FAM78B: variants seen among roughly 807,000 people sequenced by gnomAD.
FAM78B encodes the protein protein FAM78B.
In FAM78B, 10 loss-of-function variants were observed where a neutral mutation model predicts 20.0. The observed-to-expected ratio is 0.50, with a 90% CI of 0.31 to 0.85. FAM78B has a LOEUF of 0.85. FAM78B is among the 40% of genes least tolerant of loss of function. The pLI, the probability that FAM78B is intolerant of heterozygous loss-of-function variation, is 0.05. For missense variants in FAM78B, 283 were observed against 345.0 expected, an observed-to-expected ratio of 0.82 and a Z score of 1.42; for synonymous variants, 135 against 132.8, an observed-to-expected ratio of 1.02 and a Z score of -0.12.
At chr1:166,125,948 C>T (rs1157165240) in intron 1 of FAM78B, among the ~76,000 whole-genome samples, 2 of 151,702 alleles carry the variant, frequency 1.3e-5, no homozygotes, top group African/African-American at 2.4e-5. Flanking sequence ...TCTCCTGCCT[C>T]ATCCTCCCAA....
intron 1 of FAM78B, among the ~76,000 whole-genome samples, chr1:166,162,107 G>A (rs1305798260): frequency 6.6e-6 from 1 of 152,224 alleles, no homozygotes; most frequent in Non-Finnish European, 1.5e-5. Context: ...CCGTCTACAA[G>A]GAATGCTGCT....
rs905962530 is a variant in FAM78B, at chr1:166,166,270, G to C, written c.-22C>G. On this transcript the variant is annotated 5_prime_UTR_variant, in exon 1 of 2. Transcript: ENST00000354422. ...CCATCCTGCAGCCCGGTGCCGGCAC[G>C]GCGCGGCGTGGGGCAGCGCGGGGGC... 1 of 1,353,608 alleles carries C rather than the reference G, an allele frequency of 7.4e-7. No individual in the cohort carries two copies. The highest frequency in any genetic ancestry group is 9.5e-7 in the Non-Finnish European group (1 of 1,048,566). The allele number at this position is 1,353,608 out of a possible 1,614,324, so 83.8% of individuals were successfully genotyped here. A position where few individuals can be genotyped will look rare whatever the true frequency, so the allele number is the denominator to read the frequency against.
chr1:166,063,758 G>C (rs970595573), intron 2 of FAM78B, among the ~76,000 whole-genome samples: 2 of 152,180 alleles, frequency 1.3e-5, no homozygotes, highest in Non-Finnish European at 2.9e-5. Flanking sequence ...TAAGGTCCAT[G>C]TGGCACTGGG....
chr1:166,102,716 T>TA (rs1204932751), intron 1 of FAM78B, among the ~76,000 whole-genome samples: 1 of 152,152 alleles, frequency 6.6e-6, no homozygotes, highest in Non-Finnish European at 1.5e-5. Flanking sequence ...AGCAAGTCCT[T>TA]AGAGACCTAC....
intron 1 of FAM78B, among the ~76,000 whole-genome samples, chr1:166,161,444 G>C (rs1291038566): frequency 6.6e-6 from 1 of 152,148 alleles, no homozygotes; most frequent in Non-Finnish European, 1.5e-5. Flanking sequence ...CAATTGCAAT[G>C]GTAAGTTATT....
At chr1:166,099,455 T>C (rs1367812141) in intron 1 of FAM78B, among the ~76,000 whole-genome samples, 1 of 152,200 alleles carries the variant, frequency 6.6e-6, no homozygotes, top group Non-Finnish European at 1.5e-5. Flanking sequence ...GTCTAAATGC[T>C]GCACTTAAAA....
intron 1 of FAM78B, among the ~76,000 whole-genome samples, chr1:166,155,778 C>T (rs928279480): frequency 2.6e-5 from 4 of 152,122 alleles, no homozygotes; most frequent in African/African-American, 7.2e-5. Context: ...GGAGGCTCAG[C>T]GTGTGTGGTC....
downstream of FAM78B, among the ~76,000 whole-genome samples, chr1:166,056,702 G>A (rs1651357346): frequency 6.6e-6 from 1 of 152,228 alleles, no homozygotes; most frequent in African/African-American, 2.4e-5. Flanking sequence ...GCAGAATCTG[G>A]TCAAGGGTGT....
At chr1:166,136,744 C>T (rs540235647) in intron 1 of FAM78B, among the ~76,000 whole-genome samples, 6 of 152,250 alleles carry the variant, frequency 3.9e-5, no homozygotes, top group East Asian at 1.9e-4. Context: ...CTAACTGGGC[C>T]GGTGACTCTG....
chr1:166,096,852 G>A (rs72703921), intron 1 of FAM78B, among the ~76,000 whole-genome samples: 29,711 of 152,216 alleles, frequency 0.2, 3,309 homozygotes, highest in East Asian at 0.38. Flanking sequence ...CGAGGGGAGA[G>A]AGATCGTGGT....
At chr1:166,081,381 T>C (rs1337110031) in intron 1 of FAM78B, 1 of 152,174 alleles carries the variant, frequency 6.6e-6, no homozygotes, top group African/African-American at 2.4e-5. Context: ...TGCTGACTTG[T>C]TTCAATTTGA....
rs755076496 is a variant in FAM78B, at chr1:166,166,111, G to A, written c.138C>T (p.Thr46=). The change falls in exon 1 of 2, where the codon ACC becomes ACT. Residue 46 remains threonine, a synonymous_variant. Transcript: ENST00000354422. The part of the protein sequence containing the change: ...ETSPIVLRYK[T]PYFKASARVV... ...CGCGGGCGGAGGCTTTGAAGTAGGG[G>A]GTCTTGTAGCGCAGGACGATGGGCG... 10 of 1,612,434 alleles carry A rather than the reference G, an allele frequency of 6.2e-6. No individual in the cohort carries two copies. The East Asian group carries it at 1.1e-4, about 18-fold the overall frequency.
chr1:166,114,560 A>C (rs1472919692), intron 1 of FAM78B, among the ~76,000 whole-genome samples: 1 of 152,228 alleles, frequency 6.6e-6, no homozygotes, highest in Admixed American at 6.5e-5. Flanking sequence ...CACTGCAAGC[A>C]AGAAAACTGG....
chr1:166,063,251 A>T (rs999781704), intron 2 of FAM78B, among the ~76,000 whole-genome samples: 9 of 152,192 alleles, frequency 5.9e-5, no homozygotes, highest in Non-Finnish European at 1.3e-4. Flanking sequence ...GAAGACACTC[A>T]CTACAGACTT....
chr1:166,161,989 A>T (rs574771780), intron 1 of FAM78B, among the ~76,000 whole-genome samples: 7 of 152,334 alleles, frequency 4.6e-5, no homozygotes, highest in African/African-American at 1.7e-4. Context: ...GCATAGAACA[A>T]GAAGAAAAAA....
chr1:166,143,920 G>C (rs1376939747), intron 1 of FAM78B, among the ~76,000 whole-genome samples: 1 of 152,178 alleles, frequency 6.6e-6, no homozygotes, highest in Non-Finnish European at 1.5e-5. Flanking sequence ...GTTGGGGGCA[G>C]GATGGGGAGG....
chr1:166,096,370 T>C (rs940548371), intron 1 of FAM78B, among the ~76,000 whole-genome samples: 4 of 152,150 alleles, frequency 2.6e-5, no homozygotes, highest in Non-Finnish European at 5.9e-5. Flanking sequence ...CATCTGTGGA[T>C]GGGTAGCTCA....
At chr1:166,110,340 T>C (rs1654003529) in intron 1 of FAM78B, among the ~76,000 whole-genome samples, 1 of 152,024 alleles carries the variant, frequency 6.6e-6, no homozygotes, top group Non-Finnish European at 1.5e-5. Context: ...TATCATGAAA[T>C]CCCAACCTCA....
intron 1 of FAM78B, among the ~76,000 whole-genome samples, chr1:166,078,552 A>G (rs1013974236): frequency 6.6e-6 from 1 of 152,242 alleles, no homozygotes; most frequent in African/African-American, 2.4e-5. Flanking sequence ...CATCATGTTA[A>G]GCATTTCATT....
Sources: allele counts gnomAD v4.1 joint callset (sites outside exome capture counted in the v4.1 genomes callset), GRCh38; gene constraint gnomAD v4.1.1; transcripts MANE v1.5; gene names NCBI Gene and HGNC (gene_info 2026-07-23, HGNC 2026-07-21).